The following TENM1 variants were observed in gnomAD, a reference collection of about 807,000 sequenced individuals.
The protein encoded by TENM1 is teneurin transmembrane protein 1.
In TENM1, 35 loss-of-function variants were observed where a neutral mutation model predicts 174.8. The ratio of observed to expected loss-of-function variants is 0.20; its 90% confidence interval spans 0.15 to 0.27. The LOEUF (loss-of-function observed/expected upper bound fraction) is 0.27. TENM1 is among the 10% of genes least tolerant of loss of function. The pLI, the probability that TENM1 is intolerant of heterozygous loss-of-function variation, is 1.00. For synonymous variants in TENM1, 781 were observed against 798.7 expected (o/e 0.98, Z 0.37); for missense variants, 1,633 against 2,130.1 (o/e 0.77, Z 4.59).
the TENM1 span, among the ~76,000 whole-genome samples, chrX:124,969,118 T>C: frequency 8.9e-6 from 1 of 112,109 alleles, no homozygotes; most frequent in African/African-American, 3.2e-5. Flanking sequence ...AAATCAAATA[T>C]ATATAAAATG....
chrX:124,463,658 C>T, intron 22 of TENM1, among the ~76,000 whole-genome samples: 1 of 111,205 alleles, frequency 9.0e-6, no homozygotes, highest in Non-Finnish European at 1.9e-5. Flanking sequence ...TAAAAGCCTT[C>T]AAGCTTTTAT....
chrX:124,573,653 T>TA (rs1459369349), intron 11 of TENM1, among the ~76,000 whole-genome samples: 6 of 112,057 alleles, frequency 5.4e-5, no homozygotes, highest in African/African-American at 9.7e-5. Flanking sequence ...TTCAGCACAG[T>TA]AAGAATCCAG....
At chrX:124,804,650 C>T (rs2055545351) in intron 3 of TENM1, among the ~76,000 whole-genome samples, 1 of 111,802 alleles carries the variant, frequency 8.9e-6, no homozygotes, top group Admixed American at 9.5e-5. Flanking sequence ...TATATCATCA[C>T]CTGTGAACCA....
chrX:124,433,954 G>C (rs1482957602), intron 23 of TENM1, among the ~76,000 whole-genome samples: 1 of 112,000 alleles, frequency 8.9e-6, no homozygotes, highest in Non-Finnish European at 1.9e-5. Flanking sequence ...TGGTGTCTTA[G>C]AATTTAGGAA....
intron 5 of TENM1, among the ~76,000 whole-genome samples, chrX:124,683,532 A>C (rs187015623): frequency 1.0e-3 from 112 of 112,145 alleles, no homozygotes; most frequent in African/African-American, 3.3e-3. Flanking sequence ...TAAGTACATA[A>C]GAGAGAAATG....
the TENM1 span, among the ~76,000 whole-genome samples, chrX:125,181,967 T>C: frequency 8.9e-6 from 1 of 111,976 alleles, no homozygotes; most frequent in African/African-American, 3.2e-5. Context: ...TAGTTTGCCA[T>C]TGCTGTTGTA....
intron 11 of TENM1, among the ~76,000 whole-genome samples, chrX:124,568,302 T>C (rs1449528559): frequency 2.7e-5 from 3 of 110,773 alleles, no homozygotes; most frequent in Admixed American, 9.7e-5. Context: ...TCAGATGGAG[T>C]TGGACTAAAT....
intron 3 of TENM1, among the ~76,000 whole-genome samples, chrX:124,892,707 TATC>T (rs1330199747): frequency 7.1e-5 from 8 of 111,962 alleles, no homozygotes; most frequent in Non-Finnish European, 1.3e-4. Context: ...TGATCCATGA[TATC>T]ATGCCCACTG....
chrX:124,514,177 T>TA (rs1382182676), intron 18 of TENM1, among the ~76,000 whole-genome samples: 1 of 110,906 alleles, frequency 9.0e-6, no homozygotes, highest in African/African-American at 3.3e-5. Context: ...AGCCTGTTAT[T>TA]AAAAAAATGC....
the TENM1 span, among the ~76,000 whole-genome samples, chrX:125,051,487 A>G: frequency 1.8e-5 from 2 of 111,382 alleles, no homozygotes; most frequent in African/African-American, 6.6e-5. Context: ...TCTTGGTACC[A>G]AAACAGAGAT....
chrX:124,442,064 T>C (rs1418332790), intron 23 of TENM1, among the ~76,000 whole-genome samples: 1 of 112,279 alleles, frequency 8.9e-6, no homozygotes, highest in East Asian at 2.8e-4. Flanking sequence ...TGTTTTCAAA[T>C]ATTTCAGATA....
the TENM1 span, among the ~76,000 whole-genome samples, chrX:125,111,802 T>C: frequency 5.4e-5 from 6 of 111,621 alleles, no homozygotes; most frequent in Non-Finnish European, 7.5e-5. Flanking sequence ...CTGACTGAAT[T>C]TGAGGTGCAA....
chrX:124,568,044 G>A (rs1167296451), intron 11 of TENM1, among the ~76,000 whole-genome samples: 1 of 112,138 alleles, frequency 8.9e-6, no homozygotes, highest in Non-Finnish European at 1.9e-5. Context: ...CCAAATAGCA[G>A]AGTAGGCTAT....
At chrX:125,151,549 A>G in the TENM1 span, among the ~76,000 whole-genome samples, 1 of 112,616 alleles carries the variant, frequency 8.9e-6, no homozygotes, top group African/African-American at 3.2e-5. Flanking sequence ...AATAGGAAGT[A>G]TATGGAAGGT....
At chrX:124,901,950 G>A (rs1298022065) in intron 1 of TENM1, among the ~76,000 whole-genome samples, 1 of 111,560 alleles carries the variant, frequency 9.0e-6, no homozygotes, top group Non-Finnish European at 1.9e-5. Flanking sequence ...AGGAGAGGGG[G>A]GAGGGGATAG....
intron 23 of TENM1, among the ~76,000 whole-genome samples, chrX:124,442,075 T>C (rs1380196500): frequency 1.8e-5 from 2 of 112,290 alleles, no homozygotes; most frequent in Admixed American, 1.9e-4. Context: ...ATTTCAGATA[T>C]ATAGCTTTCA....
chrX:124,711,110 G>A (rs2053037910), intron 4 of TENM1, among the ~76,000 whole-genome samples: 1 of 111,280 alleles, frequency 9.0e-6, no homozygotes, highest in African/African-American at 3.3e-5. Flanking sequence ...TGTGTAAGTA[G>A]TACTCTTCTT....
chrX:124,882,447 G>A (rs1444689849), intron 3 of TENM1, among the ~76,000 whole-genome samples: 4 of 111,784 alleles, frequency 3.6e-5, no homozygotes, highest in African/African-American at 9.8e-5. Context: ...AATGCTGAGA[G>A]TGGGGTGTCT....
At chrX:124,736,502 T>C (rs182305789) in intron 4 of TENM1, among the ~76,000 whole-genome samples, 32 of 111,512 alleles carry the variant, frequency 2.9e-4, no homozygotes, top group Middle Eastern at 4.6e-3. Flanking sequence ...TTTTTTAATG[T>C]TTGAAGGCAA....
Sources: allele counts gnomAD v4.1 joint callset (sites outside exome capture counted in the v4.1 genomes callset), GRCh38; gene constraint gnomAD v4.1.1; transcripts MANE v1.5; gene names NCBI Gene and HGNC (gene_info 2026-07-23, HGNC 2026-07-21).